Variants in CDH13 observed in about 807,000 individuals in gnomAD.
CDH13 encodes the protein cadherin 13.
CDH13 carries 24 observed loss-of-function variants against 63.8 expected under a neutral mutation model. That is an observed-to-expected ratio of 0.38 (90% CI 0.27 to 0.53). The LOEUF is 0.53. Ranked by LOEUF, CDH13 falls within the 20% of genes least tolerant of loss-of-function variation. The pLI is 0.85. For missense variants in CDH13, 1,049 were observed against 903.1 expected (o/e 1.16, Z -2.07); for synonymous variants, 503 against 355.3 (o/e 1.42, Z -4.67).
intron 4 of CDH13, among the ~76,000 whole-genome samples, chr16:83,135,583 G>A (rs1403032471): frequency 6.6e-6 from 1 of 152,160 alleles, no homozygotes; most frequent in Admixed American, 6.5e-5. Flanking sequence ...ATAGCACATG[G>A]CATGAGTTAA....
chr16:83,605,198 C>G (rs570593890), intron 8 of CDH13, among the ~76,000 whole-genome samples: 1 of 152,316 alleles, frequency 6.6e-6, no homozygotes, highest in Non-Finnish European at 1.5e-5. Context: ...AAAGGCAGAG[C>G]TGATACCTAA....
chr16:82,883,546 T>C (rs576915947), intron 2 of CDH13, among the ~76,000 whole-genome samples: 2 of 152,200 alleles, frequency 1.3e-5, no homozygotes, highest in Admixed American at 6.5e-5. Context: ...TACACTGAAA[T>C]AGCAAACCCA....
chr16:83,517,396 G>C (rs1037310908), intron 7 of CDH13, among the ~76,000 whole-genome samples: 2 of 152,220 alleles, frequency 1.3e-5, no homozygotes, highest in African/African-American at 4.8e-5. Context: ...TTCCAACATG[G>C]GTCTGCTGGG....
chr16:83,535,911 A>T (rs535358708), intron 7 of CDH13, among the ~76,000 whole-genome samples: 10 of 149,042 alleles, frequency 6.7e-5, no homozygotes, highest in African/African-American at 2.2e-4. Flanking sequence ...AAAAGGAAAA[A>T]AAGGAAAGAA....
At chr16:83,505,517 G>A (rs72791437) in intron 7 of CDH13, among the ~76,000 whole-genome samples, 1 of 149,898 alleles carries the variant, frequency 6.7e-6, no homozygotes, top group African/African-American at 2.5e-5. Flanking sequence ...AGCTGATGAG[G>A]TTTGTGATTA....
chr16:82,638,888 G>A (rs1909037422), intron 1 of CDH13, among the ~76,000 whole-genome samples: 1 of 151,818 alleles, frequency 6.6e-6, no homozygotes. Context: ...GTACCTCCAT[G>A]TAACCACAAT....
chr16:82,946,584 G>T (rs762621110), intron 2 of CDH13, among the ~76,000 whole-genome samples: 13 of 152,172 alleles, frequency 8.5e-5, no homozygotes, highest in Admixed American at 1.3e-4. Context: ...AGCCTGGCGT[G>T]GTGGCCTGTG....
rs138590304 is a variant in CDH13 at position 82,984,984 on chromosome 16, G to T, written c.158-47026G>T. On this transcript the variant is annotated intron_variant, in intron 2 of 13. Transcript: ENST00000567109. ...AAAGCCAGAACACCTGTGTCTTCATGCCCTCTCCTTTTTGTGCCCAGCCCC... is the reference window on the plus strand; with the variant it reads ...AAAGCCAGAACACCTGTGTCTTCATTCCCTCTCCTTTTTGTGCCCAGCCCC... Among the ~76,000 whole-genome samples the T allele has an allele frequency of 1.1e-3, 168 of 152,204 alleles. 1 individual carries two copies. The highest frequency in any genetic ancestry group is 1.9e-3 in the Non-Finnish European group (128 of 68,002).
At chr16:82,893,035 A>G (rs1210292049) in intron 2 of CDH13, among the ~76,000 whole-genome samples, 1 of 152,240 alleles carries the variant, frequency 6.6e-6, no homozygotes, top group Non-Finnish European at 1.5e-5. Flanking sequence ...CCTTTAATGA[A>G]TAAGAGGGAA....
chr16:83,650,411 G>A (rs1283646892), intron 8 of CDH13, among the ~76,000 whole-genome samples: 1 of 152,112 alleles, frequency 6.6e-6, no homozygotes, highest in Non-Finnish European at 1.5e-5. Flanking sequence ...ATTTTCCTAT[G>A]ATGTTTGAAT....
intron 5 of CDH13, among the ~76,000 whole-genome samples, chr16:83,316,430 G>C (rs151128225): frequency 6.6e-6 from 1 of 152,178 alleles, no homozygotes; most frequent in Non-Finnish European, 1.5e-5. Flanking sequence ...TGGGAGAAAC[G>C]GGGAGCGATG....
chr16:82,955,806 C>G (rs1905999277), intron 2 of CDH13, among the ~76,000 whole-genome samples: 1 of 152,226 alleles, frequency 6.6e-6, no homozygotes, highest in Admixed American at 6.5e-5. Flanking sequence ...GCAAGCTCTG[C>G]TCTAAAATGT....
At chr16:82,740,768 C>T (rs2151052715) in intron 1 of CDH13, among the ~76,000 whole-genome samples, 1 of 152,314 alleles carries the variant, frequency 6.6e-6, no homozygotes, top group African/African-American at 2.4e-5. Context: ...TGCTCAGTCA[C>T]TTCCACCCAC....
intron 6 of CDH13, among the ~76,000 whole-genome samples, chr16:83,482,292 C>T (rs751464296): frequency 1.3e-5 from 2 of 152,156 alleles, no homozygotes; most frequent in Admixed American, 1.3e-4. Context: ...ACAGTCTATA[C>T]CCTCCAAGAG....
At chr16:82,903,877 C>T (rs1215760699) in intron 2 of CDH13, among the ~76,000 whole-genome samples, 1 of 152,112 alleles carries the variant, frequency 6.6e-6, no homozygotes, top group Non-Finnish European at 1.5e-5. Context: ...GTGCCTATAG[C>T]TAGGAAGTGG....
At chr16:82,935,781 T>C (rs975859575) in intron 2 of CDH13, among the ~76,000 whole-genome samples, 4 of 152,150 alleles carry the variant, frequency 2.6e-5, no homozygotes, top group Admixed American at 6.5e-5. Context: ...CTGGGGTTTC[T>C]TGTTGTGTAC....
intron 2 of CDH13, among the ~76,000 whole-genome samples, chr16:82,973,621 C>G (rs949015230): frequency 1.3e-5 from 2 of 152,206 alleles, no homozygotes; most frequent in African/African-American, 4.8e-5. Flanking sequence ...TGTTAAAGAC[C>G]TGCCCTCACT....
chr16:82,691,463 C>A (rs1384896270), intron 1 of CDH13, among the ~76,000 whole-genome samples: 1 of 152,150 alleles, frequency 6.6e-6, no homozygotes, highest in Non-Finnish European at 1.5e-5. Flanking sequence ...TTTGGTGGGA[C>A]AATTCTGAGG....
intron 7 of CDH13, among the ~76,000 whole-genome samples, chr16:83,600,539 A>C (rs530846559): frequency 6.6e-6 from 1 of 152,294 alleles, no homozygotes; most frequent in Non-Finnish European, 1.5e-5. Context: ...TTACCATGTA[A>C]ACTTAGGACT....
Sources: gnomAD v4.1 joint callset for allele counts (sites outside exome capture counted in the v4.1 genomes callset) on GRCh38, gnomAD v4.1.1 for gene constraint, MANE v1.5 for transcripts, NCBI Gene and HGNC (gene_info 2026-07-23, HGNC 2026-07-21) for gene names.